The following PKD1L3 variants were observed in gnomAD, a reference collection of about 807,000 sequenced individuals.
The protein encoded by PKD1L3 is polycystin-1-like protein 3.
A neutral mutation model predicts 184.1 loss-of-function variants in PKD1L3; 239 were observed. The ratio of observed to expected loss-of-function variants is 1.30; its 90% CI spans 1.17 to 1.45. The LOEUF is 1.45. Ranked by LOEUF, PKD1L3 falls within the 40% of genes most tolerant of loss-of-function variation. The pLI is 0.00. For synonymous variants in PKD1L3, 996 were observed against 778.8 expected (o/e 1.28, Z -4.64); for missense variants, 2,660 against 2,067.2 (o/e 1.29, Z -5.56).
intron 10 of PKD1L3, 46 bp from the exon 11 acceptor site, chr16:71,977,513 G>T: frequency 1.5e-6 from 2 of 1,292,032 alleles, no homozygotes; most frequent in Non-Finnish European, 1.1e-6. Flanking sequence ...ATCCATTGAT[G>T]TCTTTCAAAA....
intron 28 of PKD1L3, among the ~76,000 whole-genome samples, chr16:71,932,492 TTGAGACAGTTTCACTGTC>T (rs879762748): frequency 1.3e-3 from 195 of 152,194 alleles, no homozygotes; most frequent in Non-Finnish European, 2.5e-3. Context: ...ACTTTTTTTT[TTGAGACAGTTTCACTGTC>T]TTGCCCAGGC....
intron 3 of PKD1L3, chr16:71,991,153 AC>A (rs1370292083): frequency 5.5e-6 from 1 of 181,720 alleles, no homozygotes; most frequent in Middle Eastern, 2.6e-3. Flanking sequence ...GCAGTTCCTT[AC>A]AGACCCAGCA....
rs538612446 is a variant in PKD1L3, at chr16:71,952,991, A to G, written c.2912T>C (p.Ile971Thr). 4 of 1,549,776 alleles carry G rather than the reference A, an allele frequency of 2.6e-6. No individual in the cohort carries two copies. Among genetic ancestry groups the G allele is most frequent in the East Asian group, 2.5e-5 (1 of 40,760 alleles). ...GAGGGGCAGAGTCTCCTGTGGCTCA[A>G]TCAACGGGAAGAGCCGCCCTATGAC... Reference protein sequence around the residue: ...NLVIGRLFPLIEPQETLPLFP... With the variant: ...NLVIGRLFPLTEPQETLPLFP... Residue 971 changes from isoleucine to threonine, a missense_variant, in exon 18 of 30, where the codon ATT becomes ACT. By Grantham distance (89) the Ile-to-Thr change is moderately conservative (BLOSUM62 -1). Coordinates refer to ENST00000620267, the MANE Select transcript of PKD1L3 (RefSeq NM_181536.2).
At chr16:71,960,214 T>C (rs566298607) in intron 16 of PKD1L3, among the ~76,000 whole-genome samples, 1 of 124,730 alleles carries the variant, frequency 8.0e-6, no homozygotes, top group African/African-American at 2.8e-5. Flanking sequence ...AATTTGACAA[T>C]GTGGAAAGTA....
Position 71,930,114 on chromosome 16 carries a change from C to G in PKD1L3, c.4996G>C (p.Val1666Leu). The G allele has an allele frequency of 6.4e-7, 1 of 1,551,578 alleles. No homozygotes were observed. The highest frequency in any genetic ancestry group is 8.7e-7 in the Non-Finnish European group (1 of 1,146,902). ...LTSVILMVLVVINLFVSAILM... is the reference protein window; with the variant it reads ...LTSVILMVLVLINLFVSAILM... The stretch of plus-strand genomic sequence containing the variant: ...ATGGCCGAAACGAAAAGATTAATTA[C>G]CACAAGTACCATCAAGATGACACTG... Residue 1666 changes from valine to leucine, a missense_variant, in exon 29 of 30, where the codon GTA becomes CTA. By Grantham distance (32) the Val-to-Leu change is conservative (BLOSUM62 1). Coordinates refer to ENST00000620267, the MANE Select transcript of PKD1L3 (RefSeq NM_181536.2).
rs71153694 is a variant in PKD1L3 at position 71,986,914 on chromosome 16, A to ATTTTTTTTTTTT, written c.586-457_586-446dup. 6.1e-5 allele frequency among the ~76,000 whole-genome samples: 5 copies of ATTTTTTTTTTTT among 81,366 alleles called. 1 individual carries two copies. The highest frequency in any genetic ancestry group is 2.8e-4 in the African/African-American group (5 of 17,802). The allele number at this position is 81,366 out of a possible 152,430, so 53.4% of individuals were successfully genotyped here. On this transcript the variant is annotated intron_variant, in intron 4 of 29. Transcript: ENST00000620267. ...GAGGATGTTCAGTGGTAAGGAGAGG[A>ATTTTTTTTTTTT]TTTTTTTTTTTTTTTTTTTTTTTTT... is the stretch of plus-strand genomic sequence containing the variant.
intron 18 of PKD1L3, among the ~76,000 whole-genome samples, chr16:71,952,194 C>CTTT (rs2038861163): frequency 1.1e-5 from 1 of 89,772 alleles, no homozygotes; most frequent in Non-Finnish European, 2.2e-5. Flanking sequence ...GGGAGCATGT[C>CTTT]ATTTTTTTTT....
At chr16:71,977,786 T>C (rs1377844693) in intron 10 of PKD1L3, among the ~76,000 whole-genome samples, 3 of 152,064 alleles carry the variant, frequency 2.0e-5, no homozygotes, top group Non-Finnish European at 2.9e-5. Flanking sequence ...TTATTCTTCT[T>C]ATTTTTGAGA....
chr16:71,993,773 G>A (rs2040682339), intron 2 of PKD1L3, among the ~76,000 whole-genome samples: 1 of 124,828 alleles, frequency 8.0e-6, no homozygotes, highest in Non-Finnish European at 1.7e-5. Context: ...TCAGAAGGTG[G>A]ATGATAACAT....
At position 71,954,222 on chromosome 16, in the gene PKD1L3, T is replaced by A. The variant is rs561344649; in HGVS notation, c.2692A>T (p.Asn898Tyr). ...WLSIATRHPWNQFTRVQRLSC... is the reference protein window; with the variant it reads ...WLSIATRHPWYQFTRVQRLSC... ...AGCCGTTGGACCCTTGTAAACTGGT[T>A]CCAGGGATGCCGAGTTGCAATTGAA... The change falls in exon 17 of 30, where the codon AAC (asparagine) becomes TAC (tyrosine). Residue 898 changes from asparagine to tyrosine, a missense_variant. Coordinates refer to ENST00000620267, the MANE Select transcript of PKD1L3 (RefSeq NM_181536.2). 133 of 1,551,412 alleles carry A rather than the reference T, an allele frequency of 8.6e-5. No individual in the cohort carries two copies. The East Asian group carries it at 3.2e-3, about 37-fold the overall frequency.
chr16:71,984,821 T>C (rs1438821571), intron 5 of PKD1L3, among the ~76,000 whole-genome samples: 25 of 152,150 alleles, frequency 1.6e-4, no homozygotes, highest in Admixed American at 1.6e-3. Context: ...ATTGCGCCAC[T>C]GCACTCCAGC....
At chr16:71,956,277 T>G (rs529192847) in intron 16 of PKD1L3, among the ~76,000 whole-genome samples, 83 of 137,488 alleles carry the variant, frequency 6.0e-4, no homozygotes, top group Admixed American at 4.1e-3. Context: ...CACTGCAACC[T>G]TCACCTCCCA....
intron 16 of PKD1L3, among the ~76,000 whole-genome samples, chr16:71,956,878 A>T (rs2039070331): frequency 6.6e-6 from 1 of 152,222 alleles, no homozygotes; most frequent in Non-Finnish European, 1.5e-5. Flanking sequence ...AAATATATAG[A>T]TTGCAACTCT....
intron 24 of PKD1L3, among the ~76,000 whole-genome samples, chr16:71,938,743 A>T (rs925457878): frequency 1.3e-5 from 2 of 152,218 alleles, no homozygotes; most frequent in African/African-American, 2.4e-5. Flanking sequence ...AGGGCTACAC[A>T]AACAATGGGA....
At chr16:71,935,598 G>T in intron 25 of PKD1L3, 80 bp from the exon 26 acceptor site, 1 of 1,337,328 alleles carries the variant, frequency 7.5e-7, no homozygotes. Context: ...GATGAACGCA[G>T]CTGATGTCTG....
rs74027747 is a variant in PKD1L3, at chr16:71,973,176, C to A, written c.1953+148G>T. On this transcript the variant is annotated intron_variant, in intron 12 of 29. Coordinates refer to ENST00000620267, the MANE Select transcript of PKD1L3 (RefSeq NM_181536.2). The stretch of plus-strand genomic sequence containing the variant: ...CACTTGCCCTGCCCACCACACACAA[C>A]CCTCCTCCCTCCTTTTGCCCAGGCA... The A allele has an allele frequency of 1.9e-4, 183 of 962,460 alleles. No homozygotes were observed. In the African/African-American group the frequency reaches 2.7e-3, roughly 14 times the overall value. 59.6% of individuals were successfully genotyped at this position (962,460 alleles called of 1,614,324 possible). A position where few individuals can be genotyped will look rare whatever the true frequency, so the allele number is the denominator to read the frequency against.
At chr16:71,956,848 G>C (rs1199517798) in intron 16 of PKD1L3, among the ~76,000 whole-genome samples, 3 of 152,294 alleles carry the variant, frequency 2.0e-5, no homozygotes, top group Admixed American at 2.0e-4. Context: ...TGTAAAAACA[G>C]TGTAAACATA....
chr16:71,992,353 A>G (rs1207985635), intron 3 of PKD1L3, among the ~76,000 whole-genome samples: 1 of 152,242 alleles, frequency 6.6e-6, no homozygotes, highest in Non-Finnish European at 1.5e-5. Flanking sequence ...TCAAATGTCT[A>G]TTTAATTCAG....
intron 26 of PKD1L3, among the ~76,000 whole-genome samples, chr16:71,934,342 G>A (rs2038100090): frequency 6.6e-6 from 1 of 152,152 alleles, no homozygotes; most frequent in Non-Finnish European, 1.5e-5. Flanking sequence ...GCTGCAGATT[G>A]CACTGGGAGC....
Sources: gnomAD v4.1 joint callset for allele counts (sites outside exome capture counted in the v4.1 genomes callset) on GRCh38, gnomAD v4.1.1 for gene constraint, MANE v1.5 for transcripts, NCBI Gene and HGNC (gene_info 2026-07-23, HGNC 2026-07-21) for gene names.